Variants in LINGO2 observed in about 807,000 individuals in gnomAD.
LINGO2 encodes leucine rich repeat and Ig domain containing 2.
Under a neutral mutation model 30.6 loss-of-function variants are expected in LINGO2, and 14 were observed. The observed-to-expected ratio is 0.46, with a 90% CI of 0.30 to 0.72. The LOEUF (loss-of-function observed/expected upper bound fraction) is 0.72. Among genes scored for constraint, LINGO2 ranks in the 30% least tolerant of loss-of-function variants. LINGO2 has a pLI of 0.07. For synonymous variants in LINGO2, 317 were observed against 288.5 expected (o/e 1.10, Z -1.00); for missense variants, 729 against 751.7 (o/e 0.97, Z 0.35).
chr9:28,713,697 C>A, the LINGO2 span, among the ~76,000 whole-genome samples: 4 of 152,058 alleles, frequency 2.6e-5, no homozygotes, highest in Non-Finnish European at 5.9e-5. Context: ...TGGTCAGGAA[C>A]AGCAGAGAAC....
chr9:28,245,539 A>G (rs1322650027), intron 4 of LINGO2, among the ~76,000 whole-genome samples: 1 of 152,162 alleles, frequency 6.6e-6, no homozygotes, highest in Non-Finnish European at 1.5e-5. Flanking sequence ...ACGTGATCCT[A>G]CACCTAGAGA....
chr9:28,454,203 GAT>G (rs2135087078), intron 2 of LINGO2, among the ~76,000 whole-genome samples: 1 of 152,140 alleles, frequency 6.6e-6, no homozygotes, highest in East Asian at 1.9e-4. Flanking sequence ...CAGATTCTCA[GAT>G]TATAAACAAT....
chr9:28,181,186 C>T (rs1458619319), intron 4 of LINGO2, among the ~76,000 whole-genome samples: 1 of 152,150 alleles, frequency 6.6e-6, no homozygotes, highest in African/African-American at 2.4e-5. Context: ...ACGTGCAGCT[C>T]TTACCACCAA....
At chr9:29,210,794 A>AT in the LINGO2 span, among the ~76,000 whole-genome samples, 3 of 152,210 alleles carry the variant, frequency 2.0e-5, no homozygotes, top group Non-Finnish European at 2.9e-5. Flanking sequence ...AATCCATTCC[A>AT]TTTAAATTCT....
intron 1 of LINGO2, among the ~76,000 whole-genome samples, chr9:28,605,955 CA>C (rs1283120219): frequency 6.6e-6 from 1 of 152,020 alleles, no homozygotes; most frequent in East Asian, 1.9e-4. Flanking sequence ...CTTATGCTAT[CA>C]GAGTCGATTC....
the LINGO2 span, among the ~76,000 whole-genome samples, chr9:29,127,183 G>A: frequency 6.6e-6 from 1 of 152,094 alleles, no homozygotes; most frequent in Non-Finnish European, 1.5e-5. Context: ...ATGCTCTTCA[G>A]CCACTTGCTC....
At chr9:28,964,202 T>C in the LINGO2 span, among the ~76,000 whole-genome samples, 1 of 151,966 alleles carries the variant, frequency 6.6e-6, no homozygotes, top group African/African-American at 2.4e-5. Context: ...GAATATCCAG[T>C]TCAGAAGTTA....
At chr9:29,066,130 C>T in the LINGO2 span, among the ~76,000 whole-genome samples, 128 of 151,810 alleles carry the variant, frequency 8.4e-4, no homozygotes, top group East Asian at 0.016. Flanking sequence ...GGGAGAGTCT[C>T]GCAAGTTATT....
the LINGO2 span, among the ~76,000 whole-genome samples, chr9:29,084,858 G>A: frequency 6.6e-6 from 1 of 151,894 alleles, no homozygotes; most frequent in Non-Finnish European, 1.5e-5. Context: ...CAAGTGCCCA[G>A]AAATCCAGAG....
chr9:28,255,310 C>T (rs751683022), intron 4 of LINGO2, among the ~76,000 whole-genome samples: 3 of 151,984 alleles, frequency 2.0e-5, no homozygotes, highest in African/African-American at 4.8e-5. Flanking sequence ...AGTCCCCACT[C>T]GGAATGGCTT....
At chr9:27,988,919 G>A (rs942110525) in intron 5 of LINGO2, among the ~76,000 whole-genome samples, 1 of 151,658 alleles carries the variant, frequency 6.6e-6, no homozygotes, top group Non-Finnish European at 1.5e-5. Context: ...AAAAAAAGAT[G>A]AAACTATTCT....
chr9:28,962,057 A>AAAC, the LINGO2 span, among the ~76,000 whole-genome samples: 2 of 152,198 alleles, frequency 1.3e-5, no homozygotes, highest in Admixed American at 1.3e-4. Flanking sequence ...AACAAACAAA[A>AAAC]AAACAGGTCA....
intron 1 of LINGO2, among the ~76,000 whole-genome samples, chr9:28,498,565 C>T (rs1819753083): frequency 6.6e-6 from 1 of 152,120 alleles, no homozygotes; most frequent in African/African-American, 2.4e-5. Flanking sequence ...CACAGTTTCC[C>T]TTGGCTAGGA....
At chr9:29,056,929 T>A in the LINGO2 span, among the ~76,000 whole-genome samples, 11 of 152,168 alleles carry the variant, frequency 7.2e-5, no homozygotes, top group Admixed American at 5.9e-4. Flanking sequence ...GGTTCTCTAT[T>A]CTGTTCCGTT....
the LINGO2 span, among the ~76,000 whole-genome samples, chr9:28,723,381 A>G: frequency 1.3e-5 from 2 of 152,172 alleles, no homozygotes; most frequent in Non-Finnish European, 2.9e-5. Flanking sequence ...TAAAAAATCT[A>G]TTAATTAAAA....
intron 1 of LINGO2, among the ~76,000 whole-genome samples, chr9:28,569,865 T>C (rs1463106664): frequency 6.6e-6 from 1 of 151,996 alleles, no homozygotes; most frequent in African/African-American, 2.4e-5. Context: ...CATTTCACAA[T>C]ATATGCATGT....
intron 5 of LINGO2, among the ~76,000 whole-genome samples, chr9:28,001,259 T>TC (rs1388119706): frequency 1.3e-5 from 2 of 152,202 alleles, no homozygotes; most frequent in Non-Finnish European, 2.9e-5. Context: ...CCCTTGCCCC[T>TC]CTTCCACATG....
chr9:28,611,003 A>T (rs540405925), intron 1 of LINGO2, among the ~76,000 whole-genome samples: 1 of 152,120 alleles, frequency 6.6e-6, no homozygotes, highest in Non-Finnish European at 1.5e-5. Context: ...ATATTTGGGG[A>T]AAAATGTGCC....
At chr9:29,181,081 A>G in the LINGO2 span, among the ~76,000 whole-genome samples, 1 of 152,210 alleles carries the variant, frequency 6.6e-6, no homozygotes, top group Non-Finnish European at 1.5e-5. Context: ...TGCTATGTGT[A>G]TTAAAAATTG....
Sources: gnomAD v4.1 joint callset for allele counts (sites outside exome capture counted in the v4.1 genomes callset) on GRCh38, gnomAD v4.1.1 for gene constraint, MANE v1.5 for transcripts, NCBI Gene and HGNC (gene_info 2026-07-23, HGNC 2026-07-21) for gene names.